DCAF8L2: variants seen among roughly 807,000 people sequenced by gnomAD.
The protein encoded by DCAF8L2 is DDB1- and CUL4-associated factor 8-like protein 2.
For missense variants in DCAF8L2, 430 were observed against 490.7 expected (o/e 0.88, Z 1.17); for synonymous variants, 200 against 190.9 (o/e 1.05, Z -0.39).
At chrX:27,575,416 G>A in the DCAF8L2 span, among the ~76,000 whole-genome samples, 1 of 111,033 alleles carries the variant, frequency 9.0e-6, no homozygotes, top group African/African-American at 3.3e-5. Flanking sequence ...AAGTAGGAGT[G>A]CCTATCCTCA....
the DCAF8L2 span, among the ~76,000 whole-genome samples, chrX:27,533,166 GAAAGAAAGAAAGAAAGAA>G: frequency 6.3e-3 from 72 of 11,343 alleles, 1 homozygote; most frequent in African/African-American, 0.01. Context: ...GAGAGAGAGA[GAAAGAAAGAAAGAAAGAA>G]AGAAAGAAAG....
chrX:27,511,439 T>C, the DCAF8L2 span, among the ~76,000 whole-genome samples: 1 of 111,862 alleles, frequency 8.9e-6, no homozygotes, highest in Non-Finnish European at 1.9e-5. Flanking sequence ...TTTGGCTCCA[T>C]ATAAAATCTT....
At chrX:27,497,541 C>CTTTCT in the DCAF8L2 span, among the ~76,000 whole-genome samples, 1 of 78,652 alleles carries the variant, frequency 1.3e-5, no homozygotes, top group African/African-American at 7.6e-5. Flanking sequence ...TCCTTCCTTC[C>CTTTCT]TTCCTTCCTT....
chrX:27,712,837 C>T (rs1931574022), intron 3 of DCAF8L2, among the ~76,000 whole-genome samples: 1 of 111,889 alleles, frequency 8.9e-6, no homozygotes, highest in Non-Finnish European at 1.9e-5. Context: ...AAAATGGAAG[C>T]AGAAACCACT....
the DCAF8L2 span, among the ~76,000 whole-genome samples, chrX:27,524,814 T>C: frequency 1.8e-5 from 2 of 112,032 alleles, no homozygotes; most frequent in South Asian, 3.7e-4. Context: ...GAGCAGGTTG[T>C]TCAGTTTCCA....
At chrX:27,514,322 T>A in the DCAF8L2 span, among the ~76,000 whole-genome samples, 60 of 108,290 alleles carry the variant, frequency 5.5e-4, no homozygotes, top group Middle Eastern at 9.6e-3. Context: ...TATATGGTAA[T>A]TTCCCTCATT....
the DCAF8L2 span, among the ~76,000 whole-genome samples, chrX:27,476,369 A>C: frequency 4.5e-5 from 5 of 111,613 alleles, no homozygotes; most frequent in African/African-American, 1.6e-4. Flanking sequence ...CAAGAAATAT[A>C]TAAAGGTTTT....
intron 1 of DCAF8L2, among the ~76,000 whole-genome samples, chrX:27,612,819 G>A (rs1420219792): frequency 4.5e-5 from 5 of 111,490 alleles, no homozygotes; most frequent in African/African-American, 1.6e-4. Flanking sequence ...CTCTGTTTTG[G>A]TTGCCAGTAC....
At chrX:27,670,068 A>G (rs1929890344) in intron 2 of DCAF8L2, among the ~76,000 whole-genome samples, 1 of 110,433 alleles carries the variant, frequency 9.1e-6, no homozygotes, top group Non-Finnish European at 1.9e-5. Context: ...CAAGAAACAA[A>G]TTTCTCTAGT....
intron 4 of DCAF8L2, among the ~76,000 whole-genome samples, chrX:27,717,121 T>C (rs1931727884): frequency 1.8e-5 from 2 of 112,628 alleles, no homozygotes; most frequent in South Asian, 7.3e-4. Context: ...ATTTTCTTTA[T>C]CCAGTCTTTC....
At chrX:27,598,681 T>A in intron 1 of DCAF8L2, among the ~76,000 whole-genome samples, 1 of 111,624 alleles carries the variant, frequency 9.0e-6, no homozygotes, top group East Asian at 2.8e-4. Context: ...CTGATCCCTT[T>A]GTTCGGGGCT....
At chrX:27,509,300 T>C in the DCAF8L2 span, among the ~76,000 whole-genome samples, 1 of 111,473 alleles carries the variant, frequency 9.0e-6, no homozygotes, top group East Asian at 2.8e-4. Flanking sequence ...TTCCCTCCTT[T>C]CCCTCAGTTG....
chrX:27,513,880 C>CA, the DCAF8L2 span, among the ~76,000 whole-genome samples: 5 of 111,512 alleles, frequency 4.5e-5, no homozygotes, highest in Non-Finnish European at 9.4e-5. Flanking sequence ...ATCTGAAACA[C>CA]AAAATAATAA....
In DCAF8L2 at chrX:27,590,991, TTATATA is replaced by T. The variant is rs10571931; in HGVS notation, c.-342+570_-342+575del. Among the ~76,000 whole-genome samples the T allele has an allele frequency of 1.2e-3, 85 of 68,056 alleles. 2 individuals carry two copies. In the South Asian group the frequency reaches 0.013, roughly 10 times the overall value. The allele number at this position is 68,056 out of a possible 115,157, so 59.1% of individuals were successfully genotyped here. Reference sequence around the variant, plus strand: ...AAATGTTTATAAAAGCCTTTACATTTTATATATATATATATATATATATAAATAAAT... The same window carrying T: ...AAATGTTTATAAAAGCCTTTACATTTTATATATATATATATATAAATAAAT... On this transcript the variant is annotated intron_variant, in intron 1 of 4. Coordinates refer to ENST00000451261, the MANE Select transcript of DCAF8L2 (RefSeq NM_001353450.2).
At chrX:27,579,921 A>G in the DCAF8L2 span, among the ~76,000 whole-genome samples, 3 of 108,683 alleles carry the variant, frequency 2.8e-5, no homozygotes, top group Non-Finnish European at 3.8e-5. Flanking sequence ...ATATTAAATA[A>G]TATAGTTAAT....
At chrX:27,642,998 A>G (rs1785600019) in intron 2 of DCAF8L2, among the ~76,000 whole-genome samples, 1 of 111,884 alleles carries the variant, frequency 8.9e-6, no homozygotes, top group Non-Finnish European at 1.9e-5. Flanking sequence ...TTTGCTATGT[A>G]TATGCAGACA....
At chrX:27,543,131 A>T in the DCAF8L2 span, among the ~76,000 whole-genome samples, 1 of 112,419 alleles carries the variant, frequency 8.9e-6, no homozygotes, top group East Asian at 2.8e-4. Context: ...CTTACATTTA[A>T]ATCTTTAATT....
At chrX:27,612,605 C>G (rs1332384638) in intron 1 of DCAF8L2, among the ~76,000 whole-genome samples, 3 of 111,972 alleles carry the variant, frequency 2.7e-5, no homozygotes, top group Non-Finnish European at 5.6e-5. Context: ...TTTATTCCAT[C>G]TTGAATTAAT....
chrX:27,488,529 G>GTGTGTA, the DCAF8L2 span, among the ~76,000 whole-genome samples: 1 of 67,865 alleles, frequency 1.5e-5, no homozygotes, highest in Non-Finnish European at 2.6e-5. Context: ...GTGTGTGTGT[G>GTGTGTA]TGTGTGTGTG....
Sources: gnomAD v4.1 joint callset for allele counts (sites outside exome capture counted in the v4.1 genomes callset) on GRCh38, gnomAD v4.1.1 for gene constraint, MANE v1.5 for transcripts, NCBI Gene and HGNC (gene_info 2026-07-23, HGNC 2026-07-21) for gene names.